Variants in GAS6 observed in about 807,000 individuals in gnomAD.
The protein encoded by GAS6 is growth arrest specific 6.
Under a neutral mutation model 75.8 loss-of-function variants are expected in GAS6, and 41 were observed. That is an observed-to-expected ratio of 0.54 (90% confidence interval 0.42 to 0.70). GAS6 has a LOEUF of 0.70. Among genes scored for constraint, GAS6 ranks in the 30% least tolerant of loss-of-function variants. GAS6 has a pLI of 0.00. For missense variants in GAS6, 854 were observed against 940.2 expected (o/e 0.91, Z 1.20); for synonymous variants, 432 against 412.6 (o/e 1.05, Z -0.57).
At chr13:113,839,647 C>T in intron 5 of GAS6, 81 bp downstream of exon 5, 1 of 1,557,996 alleles carries the variant, frequency 6.4e-7, no homozygotes, top group Non-Finnish European at 8.7e-7. Context: ...TGGCCGTGCC[C>T]CGGAGTGGGA....
intron 4 of GAS6, chr13:113,840,901 C>A (rs1292185484): frequency 6.6e-6 from 1 of 152,282 alleles, no homozygotes; most frequent in African/African-American, 2.4e-5. Flanking sequence ...TGATTCCACA[C>A]AAGTTCAATA....
rs762423496 is a variant in GAS6, at chr13:113,827,130, C to T, written c.1343G>A (p.Trp448Ter). 2.5e-6 allele frequency: 4 copies of T among 1,613,424 alleles called. No homozygotes were observed. Among genetic ancestry groups the T allele is most frequent in the Non-Finnish European group, 3.4e-6 (4 of 1,179,888 alleles). Residue 448 changes from tryptophan (W) to a stop codon, truncating the protein, a stop_gained, in exon 12 of 15, where the codon TGG (tryptophan) becomes TAG (stop). Transcript: ENST00000327773. LOFTEE classifies it high-confidence loss of function. ...NPRLDGCMRSWNWLNGEDTTI... is the reference protein window; with the variant it reads ...NPRLDGCMRS Reference sequence around the variant, plus strand: ...GGTGTCTTCTCCGTTCAGCCAGTTCCAGCTCCTCATGCAGCCATCCAGACG... The same window carrying T: ...GGTGTCTTCTCCGTTCAGCCAGTTCTAGCTCCTCATGCAGCCATCCAGACG...
Position 113,826,977 on chromosome 13 carries a change from G to T in GAS6, c.1477+19C>A, listed in dbSNP as rs201687096. 2 of 1,604,814 alleles carry T rather than the reference G, an allele frequency of 1.2e-6. No individual in the cohort carries two copies. Among genetic ancestry groups the T allele is most frequent in the South Asian group, 1.1e-5 (1 of 90,580 alleles). The stretch of plus-strand genomic sequence containing the variant: ...AAGGTGCAGCCACAGCCACCCCAAC[G>T]GTAAGAGCCAAGACTTACTGTAGTC... On this transcript the variant is annotated intron_variant, in intron 12 of 14. Transcript: ENST00000327773.
chr13:113,842,096 C>T (rs1258129133), intron 4 of GAS6: 1 of 150,624 alleles, frequency 6.6e-6, no homozygotes, highest in African/African-American at 2.6e-5. Flanking sequence ...CCAGTTTCCT[C>T]CATACGCCCC....
intron 12 of GAS6, among the ~76,000 whole-genome samples, chr13:113,826,579 T>TC (rs1566354801): frequency 1.4e-4 from 4 of 28,096 alleles, no homozygotes; most frequent in African/African-American, 4.2e-4. Flanking sequence ...CTCCCGGCGC[T>TC]GGCCTCGCAG....
intron 8 of GAS6, chr13:113,833,885 T>C (rs556313180): frequency 9.8e-7 from 1 of 1,023,674 alleles, no homozygotes; most frequent in African/African-American, 1.9e-5. Context: ...GTGTGACAAG[T>C]CAGTGTGACA....
intron 12 of GAS6, among the ~76,000 whole-genome samples, chr13:113,823,994 G>C (rs1381765692): frequency 1.3e-5 from 2 of 152,232 alleles, no homozygotes; most frequent in African/African-American, 2.4e-5. Flanking sequence ...TGGGGGCTGA[G>C]AGTTTAAGAT....
intron 2 of GAS6, among the ~76,000 whole-genome samples, chr13:113,857,646 C>G (rs1490693954): frequency 6.6e-6 from 1 of 152,252 alleles, no homozygotes; most frequent in African/African-American, 2.4e-5. Flanking sequence ...CCCCAGCTAG[C>G]AAGCTTAACG....
Position 113,841,786 on chromosome 13 carries a change from CCA to C in GAS6, c.344-1938_344-1937del, listed in dbSNP as rs145499514. The C allele has an allele frequency of 1.6e-3, 114 of 71,104 alleles. 13 individuals carry two copies. Among genetic ancestry groups the C allele is most frequent in the East Asian group, 0.013 (29 of 2,238 alleles). The allele number at this position is 71,104 out of a possible 1,614,324, so 4.4% of individuals were successfully genotyped here. A position where few individuals can be genotyped will look rare whatever the true frequency, so the allele number is the denominator to read the frequency against. ...CGCCCCCCAGTTTCCTCCATACGCC[CCA>C]CAGTTTCCTCCATACGCCCCACAGT... On this transcript the variant is annotated intron_variant, in intron 4 of 14. Coordinates refer to ENST00000327773, the MANE Select transcript of GAS6 (RefSeq NM_000820.4).
chr13:113,828,555 C>T lies in GAS6; in HGVS notation c.1300G>A (p.Val434Met), dbSNP rs202080371. The T allele has an allele frequency of 2.7e-5, 43 of 1,613,082 alleles. No homozygotes were observed. The highest frequency in any genetic ancestry group is 4.4e-5 in the South Asian group (4 of 91,054). Residue 434 changes from valine to methionine, a missense_variant, in exon 11 of 15, where the codon GTG becomes ATG. Physicochemically the swap from Val to Met is conservative, Grantham distance 21. Coordinates refer to ENST00000327773, the MANE Select transcript of GAS6 (RefSeq NM_000820.4). ...GGIPFHEKDL[V>M]QPINPRLDGC... ...ACAGGTACAGTACTCACAGGCTGCA[C>T]GAGGTCCTTCTCATGGAAGGGAATA... is the stretch of plus-strand genomic sequence containing the variant.
chr13:113,851,897 T>C (rs1488020010), intron 2 of GAS6, among the ~76,000 whole-genome samples: 1 of 152,248 alleles, frequency 6.6e-6, no homozygotes, highest in Admixed American at 6.5e-5. Context: ...TCCTTGTTAT[T>C]AACTGACATC....
intron 2 of GAS6, among the ~76,000 whole-genome samples, chr13:113,858,792 T>C (rs1212521563): frequency 6.6e-6 from 1 of 151,910 alleles, no homozygotes; most frequent in Non-Finnish European, 1.5e-5. Context: ...TACATGTCTG[T>C]GACTGTATGT....
Position 113,863,010 on chromosome 13 carries a change from G to T in GAS6, c.255+565C>A, listed in dbSNP as rs1256256944. On this transcript the variant is annotated intron_variant, in intron 2 of 14. Coordinates refer to ENST00000327773, the MANE Select transcript of GAS6 (RefSeq NM_000820.4). The surrounding 1 kb of genome is among the most constrained non-coding windows in gnomAD (Gnocchi z 9.4). Reference sequence around the variant, plus strand: ...TAACCGAGGTGCCGGGGCCAGCACCGTCGGGCTCCTGAAAGCACCCGCTGC... The same window carrying T: ...TAACCGAGGTGCCGGGGCCAGCACCTTCGGGCTCCTGAAAGCACCCGCTGC... Among the ~76,000 whole-genome samples, 1 of 152,110 alleles carries T rather than the reference G, an allele frequency of 6.6e-6. No homozygotes were observed. Among genetic ancestry groups the T allele is most frequent in the African/African-American group, 2.4e-5 (1 of 41,452 alleles).
intron 13 of GAS6, 182 bp from the exon 14 acceptor site, chr13:113,822,368 G>A: frequency 2.0e-6 from 1 of 504,152 alleles, no homozygotes; most frequent in South Asian, 3.4e-5. Context: ...CCCACCTGGG[G>A]CTCAGCTTCT....
chr13:113,858,468 T>C (rs1289432225), intron 2 of GAS6, among the ~76,000 whole-genome samples: 1 of 152,164 alleles, frequency 6.6e-6, no homozygotes, highest in Non-Finnish European at 1.5e-5. Flanking sequence ...CCTTTGTGTG[T>C]GCATGTCTGT....
intron 14 of GAS6, 115 bp from the exon 15 acceptor site, chr13:113,821,133 G>A: frequency 8.9e-7 from 1 of 1,121,188 alleles, no homozygotes; most frequent in Admixed American, 2.2e-5. Flanking sequence ...GAAAGGGCAG[G>A]GTTTCCCTTT....
intron 2 of GAS6, among the ~76,000 whole-genome samples, chr13:113,859,861 C>T (rs902855593): frequency 4.6e-5 from 7 of 152,142 alleles, no homozygotes; most frequent in African/African-American, 1.4e-4. Context: ...ATTGTACAGC[C>T]CTCCCCTCCA....
chr13:113,838,121 G>A lies in GAS6; in HGVS notation c.537C>T (p.His179=), dbSNP rs768219742. Reference sequence around the variant, plus strand: ...GCTCGAAGCCGCTGTGGCAGGAACAGTGGAAGCTACCCGGCTTGTTGTGGC... The same window carrying A: ...GCTCGAAGCCGCTGTGGCAGGAACAATGGAAGCTACCCGGCTTGTTGTGGC... ...QICHNKPGSF[H]CSCHSGFELS... Residue 179 remains histidine, a synonymous_variant, in exon 6 of 15, where the codon CAC becomes CAT. Coordinates refer to ENST00000327773, the MANE Select transcript of GAS6 (RefSeq NM_000820.4). 2 of 1,612,918 alleles carry A rather than the reference G, an allele frequency of 1.2e-6. No individual in the cohort carries two copies. The highest frequency in any genetic ancestry group is 4.5e-5 in the East Asian group (2 of 44,884).
In GAS6 at chr13:113,828,647, A is replaced by G; in HGVS notation, c.1208T>C (p.Ile403Thr). 1 of 1,613,532 alleles carries G rather than the reference A, an allele frequency of 6.2e-7. No homozygotes were observed. Among genetic ancestry groups the G allele is most frequent in the East Asian group, 2.2e-5 (1 of 44,884 alleles). The change falls in exon 11 of 15, where the codon ATC becomes ACC. Residue 403 changes from isoleucine (I) to threonine (T), a missense_variant. By Grantham distance (89) the Ile-to-Thr change is moderately conservative. Coordinates refer to ENST00000327773, the MANE Select transcript of GAS6 (RefSeq NM_000820.4). ...TTGGAACAAGTCCCCGGCCACCGCG[A>G]TTTTCATGACAGCATCCCTGTTGAC... ...IKVNRDAVMK[I>T]AVAGDLFQPE... is the part of the protein sequence containing the mutation.
Sources: gnomAD v4.1 joint callset for allele counts (sites outside exome capture counted in the v4.1 genomes callset) on GRCh38, gnomAD v4.1.1 for gene constraint, Gnocchi (gnomAD v3.1) non-coding constraint, MANE v1.5 for transcripts, NCBI Gene and HGNC (gene_info 2026-07-23, HGNC 2026-07-21) for gene names.